Variants in FNIP2 observed in about 807,000 individuals in gnomAD.
The protein encoded by FNIP2 is folliculin interacting protein 2.
Under a neutral mutation model 108.7 loss-of-function variants are expected in FNIP2, and 32 were observed. That is an observed-to-expected ratio of 0.29 (90% CI 0.22 to 0.40). The LOEUF (loss-of-function observed/expected upper bound fraction) is 0.40, where lower values mean the gene tolerates loss of function less well. Ranked by LOEUF, FNIP2 falls within the 10% of genes least tolerant of loss-of-function variation. FNIP2 has a pLI of 1.00. For missense variants in FNIP2, 1,202 were observed against 1,381.6 expected, an observed-to-expected ratio of 0.87 and a Z score of 2.06; for synonymous variants, 480 against 496.7, an observed-to-expected ratio of 0.97 and a Z score of 0.45.
chr4:158,795,302 A>G (rs1446676857), intron 1 of FNIP2, among the ~76,000 whole-genome samples: 1 of 152,228 alleles, frequency 6.6e-6, no homozygotes, highest in Non-Finnish European at 1.5e-5. Flanking sequence ...GTTCATTTAA[A>G]AGCAGCTAGT....
chr4:158,889,712 G>A (rs891935208), intron 14 of FNIP2: 68 of 535,592 alleles, frequency 1.3e-4, no homozygotes, highest in African/African-American at 1.9e-4. Context: ...GATCTGTCCC[G>A]TGGCATGACC....
At chr4:158,883,333 C>G (rs1781810293) in intron 14 of FNIP2, among the ~76,000 whole-genome samples, 1 of 152,158 alleles carries the variant, frequency 6.6e-6, no homozygotes. Flanking sequence ...GCTCCGCCTC[C>G]TGGGTTCACG....
At chr4:158,777,637 C>T (rs571565369) in intron 1 of FNIP2, among the ~76,000 whole-genome samples, 18 of 152,212 alleles carry the variant, frequency 1.2e-4, no homozygotes, top group African/African-American at 3.9e-4. Flanking sequence ...AGGGGGCGGC[C>T]GGAACTACTG....
chr4:158,826,782 C>T (rs1778182506), intron 2 of FNIP2, among the ~76,000 whole-genome samples: 1 of 152,130 alleles, frequency 6.6e-6, no homozygotes, highest in Non-Finnish European at 1.5e-5. Context: ...TACCAGGGTA[C>T]TTGTAAATTC....
In FNIP2 at chr4:158,906,604, G is replaced by A. The variant is rs1729864323; in HGVS notation, c.*2060G>A. Reference sequence around the variant, plus strand: ...TTTAATGTTCCAAAACTCACTCTTGGAAAAATGCCTGTTGGAAAACTACAG... The same window carrying A: ...TTTAATGTTCCAAAACTCACTCTTGAAAAAATGCCTGTTGGAAAACTACAG... On this transcript the variant is annotated 3_prime_UTR_variant, in exon 17 of 17. Coordinates refer to ENST00000264433, the MANE Select transcript of FNIP2 (RefSeq NM_020840.3). The A allele has an allele frequency of 6.6e-6, 1 of 152,138 alleles. No individual in the cohort carries two copies. The highest frequency in any genetic ancestry group is 1.5e-5 in the Non-Finnish European group (1 of 68,038). 9.4% of individuals were successfully genotyped at this position (152,138 alleles called of 1,614,324 possible).
intron 1 of FNIP2, among the ~76,000 whole-genome samples, chr4:158,775,742 A>G (rs1775840113): frequency 6.6e-6 from 1 of 152,208 alleles, no homozygotes; most frequent in African/African-American, 2.4e-5. Context: ...ATAATACAAT[A>G]TATTAAGTGC....
rs111832933 is a variant in FNIP2 at position 158,808,428 on chromosome 4, AT to A, written c.108-17477del. Among the ~76,000 whole-genome samples, 42 of 148,906 alleles carry A rather than the reference AT, an allele frequency of 2.8e-4. 1 individual carries two copies. The South Asian group carries it at 3.4e-3, about 12-fold the overall frequency. ...TAGATTTACTTCTCTAGTGCTGAGA[AT>A]TTTTTTTTTTAGAACTTTGTACAAT... On this transcript the variant is annotated intron_variant, in intron 1 of 16. Coordinates refer to ENST00000264433, the MANE Select transcript of FNIP2 (RefSeq NM_020840.3).
chr4:158,814,462 C>T (rs1257949295), intron 1 of FNIP2, among the ~76,000 whole-genome samples: 1 of 152,206 alleles, frequency 6.6e-6, no homozygotes, highest in Non-Finnish European at 1.5e-5. Flanking sequence ...TGTGCATGTG[C>T]TGTGCAGTTC....
intron 2 of FNIP2, among the ~76,000 whole-genome samples, chr4:158,827,893 A>G (rs1389961805): frequency 6.6e-6 from 1 of 152,092 alleles, no homozygotes; most frequent in African/African-American, 2.4e-5. Context: ...GACTGCAGGC[A>G]TTTGCATTAG....
At chr4:158,840,474 C>A (rs1298604387) in intron 7 of FNIP2, among the ~76,000 whole-genome samples, 1 of 152,158 alleles carries the variant, frequency 6.6e-6, no homozygotes, top group Non-Finnish European at 1.5e-5. Flanking sequence ...CAGCTCACTG[C>A]AACCTCCGTC....
chr4:158,852,488 T>G (rs1779754937), intron 8 of FNIP2, among the ~76,000 whole-genome samples: 1 of 152,246 alleles, frequency 6.6e-6, no homozygotes, highest in Non-Finnish European at 1.5e-5. Flanking sequence ...ACACAAGTCC[T>G]AGCTCTGTCA....
intron 7 of FNIP2, among the ~76,000 whole-genome samples, chr4:158,839,357 A>ATTTAT (rs1778988926): frequency 6.6e-6 from 1 of 151,232 alleles, no homozygotes; most frequent in Non-Finnish European, 1.5e-5. Flanking sequence ...CTTCATTTCT[A>ATTTAT]TTATTTATTT....
At chr4:158,805,636 C>G (rs533605578) in intron 1 of FNIP2, among the ~76,000 whole-genome samples, 1 of 152,334 alleles carries the variant, frequency 6.6e-6, no homozygotes, top group African/African-American at 2.4e-5. Flanking sequence ...AACCATCCCT[C>G]ACTTGCTGTG....
At chr4:158,893,545 C>G in intron 15 of FNIP2, 1 of 586,240 alleles carries the variant, frequency 1.7e-6, no homozygotes, top group South Asian at 2.8e-5. Context: ...TTTTTCCAAA[C>G]TGTTTATTTG....
chr4:158,896,021 A>G (rs1201782737), intron 16 of FNIP2, among the ~76,000 whole-genome samples, 156 bp downstream of exon 16: 10 of 152,290 alleles, frequency 6.6e-5, no homozygotes, highest in South Asian at 6.2e-4. Context: ...CAACTCCCCA[A>G]TGAACAGCAT....
At chr4:158,887,694 A>C (rs749890367) in intron 14 of FNIP2, among the ~76,000 whole-genome samples, 2 of 136,948 alleles carry the variant, frequency 1.5e-5, no homozygotes, top group African/African-American at 5.5e-5. Context: ...CCGAGAATGC[A>C]CTACTGCACT....
At position 158,868,726 on chromosome 4, in the gene FNIP2, G is replaced by A. The variant is rs62001911; in HGVS notation, c.2090G>A (p.Arg697Gln). Reference sequence around the variant, plus strand: ...GAGATGCCTACAAGACTGCCAGACCGGTCAGTGGCCTGGCCTTGCCCTGAC... The same window carrying A: ...GAGATGCCTACAAGACTGCCAGACCAGTCAGTGGCCTGGCCTTGCCCTGAC... Reference protein sequence around the residue: ...KVEMPTRLPDRSVAWPCPDRH... With the variant: ...KVEMPTRLPDQSVAWPCPDRH... The change falls in exon 13 of 17, where the codon CGG becomes CAG. Residue 697 changes from arginine (R) to glutamine (Q), a missense_variant. Arg to Gln is a conservative substitution (Grantham distance 43, BLOSUM62 1). This residue lies in a region of FNIP2 where 878 missense variants were observed against 990.3 expected (regional missense o/e 0.89). Transcript: ENST00000264433. This position sits in a 1 kb window ranked among gnomAD's most constrained non-coding sequence, Gnocchi z 4.6. 32 of 1,613,876 alleles carry A rather than the reference G, an allele frequency of 2.0e-5. No homozygotes were observed. The highest frequency in any genetic ancestry group is 1.2e-4 in the Admixed American group (7 of 60,000).
chr4:158,841,469 C>T (rs1303919806), intron 7 of FNIP2, among the ~76,000 whole-genome samples: 3 of 152,114 alleles, frequency 2.0e-5, no homozygotes, highest in Admixed American at 6.5e-5. Context: ...GATGGCATCC[C>T]GTTTGTACGT....
chr4:158,791,083 A>G (rs1419197099), intron 1 of FNIP2, among the ~76,000 whole-genome samples: 1 of 151,636 alleles, frequency 6.6e-6, no homozygotes. Flanking sequence ...GGGTGAGGGT[A>G]ACAAGGGAGG....
Sources: allele counts gnomAD v4.1 joint callset (sites outside exome capture counted in the v4.1 genomes callset), GRCh38; gene constraint gnomAD v4.1.1; regional missense constraint gnomAD v4.1.1; non-coding constraint Gnocchi (gnomAD v3.1); transcripts MANE v1.5; gene names NCBI Gene and HGNC (gene_info 2026-07-23, HGNC 2026-07-21).